Variants in PCDH15 observed in about 807,000 individuals in gnomAD.
PCDH15 encodes the protein protocadherin-15.
PCDH15 carries 129 observed loss-of-function variants against 178.5 expected under a neutral mutation model. That is an observed-to-expected ratio of 0.72 (90% CI 0.63 to 0.84). The LOEUF is 0.84. PCDH15 is among the 40% of genes least tolerant of loss of function. The pLI, the probability that PCDH15 is intolerant of heterozygous loss-of-function variation, is 0.00. For synonymous variants in PCDH15, 800 were observed against 732.0 expected, an observed-to-expected ratio of 1.09 and a Z score of -1.50; for missense variants, 2,230 against 2,099.9, an observed-to-expected ratio of 1.06 and a Z score of -1.21.
rs1361678153 is a variant in PCDH15, at chr10:54,800,907, G to A, written c.-29+18C>T. On this transcript the variant is annotated intron_variant, in intron 1 of 37. Coordinates refer to ENST00000644397, the MANE Select transcript of PCDH15 (RefSeq NM_001384140.1). ...TTAAATTTGAAAAAAATAAGAGAAG[G>A]GCGGGGGAAGAACTTACTTGCGGTT... is the stretch of plus-strand genomic sequence containing the variant. 1.3e-5 allele frequency: 2 copies of A among 152,020 alleles called. No homozygotes were observed. Among genetic ancestry groups the A allele is most frequent in the African/African-American group, 4.8e-5 (2 of 41,390 alleles). 9.4% of individuals were successfully genotyped at this position (152,020 alleles called of 1,614,324 possible).
At chr10:53,995,554 G>A in intron 21 of PCDH15, 95 bp downstream of exon 21, 1 of 1,608,334 alleles carries the variant, frequency 6.2e-7, no homozygotes, top group South Asian at 1.1e-5. Flanking sequence ...GAAATTTACA[G>A]AGACTACTTT....
intron 3 of PCDH15, among the ~76,000 whole-genome samples, chr10:54,833,327 T>C (rs1953258230): frequency 6.6e-6 from 1 of 152,206 alleles, no homozygotes; most frequent in South Asian, 2.1e-4. Flanking sequence ...ATTAGATGTT[T>C]CTGTGAAGGC....
intron 1 of PCDH15, among the ~76,000 whole-genome samples, chr10:54,715,065 AT>A (rs201516388): frequency 6.6e-6 from 1 of 151,424 alleles, no homozygotes; most frequent in South Asian, 2.1e-4. Flanking sequence ...GCTGATACTC[AT>A]TTTTTTTTCT....
At chr10:54,195,476 C>A (rs1286208622) in intron 11 of PCDH15, among the ~76,000 whole-genome samples, 1 of 152,138 alleles carries the variant, frequency 6.6e-6, no homozygotes. Flanking sequence ...TACTGAATAT[C>A]TGCAAGCTGA....
chr10:54,174,753 G>GGGAT (rs2047279369), intron 13 of PCDH15, among the ~76,000 whole-genome samples: 1 of 124,492 alleles, frequency 8.0e-6, no homozygotes, highest in Admixed American at 1.1e-4. Context: ...TCACCCAGCC[G>GGGAT]GGAGTGCAAT....
In PCDH15 at chr10:53,953,913, A is replaced by G. The variant is rs575280790; in HGVS notation, c.3122+5819T>C. On this transcript the variant is annotated intron_variant, in intron 23 of 37. Coordinates refer to ENST00000644397, the MANE Select transcript of PCDH15 (RefSeq NM_001384140.1). Reference sequence around the variant, plus strand: ...CATGCCATTCTTCTGCCTCAGCCTCATGAGTAGCTGGGACTATGGGCACCC... The same window carrying G: ...CATGCCATTCTTCTGCCTCAGCCTCGTGAGTAGCTGGGACTATGGGCACCC... Among the ~76,000 whole-genome samples, 41 of 152,088 alleles carry G rather than the reference A, an allele frequency of 2.7e-4. 2 individuals are homozygous for G. In the South Asian group the frequency reaches 8.3e-3, roughly 31 times the overall value.
rs1000340674 is a variant in PCDH15 at position 55,206,786 on chromosome 10, C to T, written c.-155-40135G>A. Among the ~76,000 whole-genome samples, 22 of 152,046 alleles carry T rather than the reference C, an allele frequency of 1.4e-4. 1 individual carries two copies. The highest frequency in any genetic ancestry group is 7.9e-4 in the Admixed American group (12 of 15,270). The stretch of plus-strand genomic sequence containing the variant: ...TTGAAAATCAGAGGTCTTTAAATAT[C>T]TGAGTACTTAAATATGGAATCAAAG... On this transcript the variant is annotated intron_variant, in intron 1 of 5. Transcript: ENST00000458638.
chr10:54,946,824 A>G (rs903992321), intron 2 of PCDH15, among the ~76,000 whole-genome samples: 9 of 151,854 alleles, frequency 5.9e-5, no homozygotes, highest in African/African-American at 2.2e-4. Context: ...CAGACATAAT[A>G]TCAAATTCCT....
intron 2 of PCDH15, chr10:54,607,007 T>C (rs2092770741): frequency 6.6e-6 from 1 of 152,080 alleles, no homozygotes; most frequent in Non-Finnish European, 1.5e-5. Context: ...CAAATACACA[T>C]AAAAATATAG....
At chr10:53,967,640 T>C (rs2089186035) in intron 21 of PCDH15, among the ~76,000 whole-genome samples, 1 of 152,196 alleles carries the variant, frequency 6.6e-6, no homozygotes, top group African/African-American at 2.4e-5. Context: ...CAGAAGTCTC[T>C]TTTATATATA....
chr10:53,819,424 T>C (rs1344151641), intron 33 of PCDH15, among the ~76,000 whole-genome samples: 1 of 152,034 alleles, frequency 6.6e-6, no homozygotes, highest in Admixed American at 6.6e-5. Flanking sequence ...GAAAGTTACT[T>C]GAAAGAGGTA....
intron 4 of PCDH15, among the ~76,000 whole-genome samples, chr10:54,377,591 T>C (rs958908476): frequency 2.6e-5 from 4 of 152,150 alleles, no homozygotes; most frequent in Admixed American, 6.5e-5. Flanking sequence ...CATGAAATAG[T>C]ATAAAGTATC....
At chr10:53,985,012 G>A (rs1364258792) in intron 21 of PCDH15, among the ~76,000 whole-genome samples, 1 of 152,134 alleles carries the variant, frequency 6.6e-6, no homozygotes, top group East Asian at 1.9e-4. Context: ...TGAAAAGCAG[G>A]CCTGGTTAGC....
Position 55,494,743 on chromosome 10 carries a change from T to C in PCDH15, c.-156+132882A>G, listed in dbSNP as rs182461619. Reference sequence around the variant, plus strand: ...ACTCCATTCCTCTCTCTTTTGATGCTAGTGAGATATATATGTAGCATAAAC... The same window carrying C: ...ACTCCATTCCTCTCTCTTTTGATGCCAGTGAGATATATATGTAGCATAAAC... On this transcript the variant is annotated intron_variant, in intron 2 of 5. Coordinates refer to the PCDH15 transcript ENST00000613346. 1.2e-4 allele frequency among the ~76,000 whole-genome samples: 18 copies of C among 151,930 alleles called. No homozygotes were observed. In the East Asian group the frequency reaches 3.5e-3, roughly 30 times the overall value.
intron 2 of PCDH15, among the ~76,000 whole-genome samples, chr10:55,107,351 A>G (rs1022371115): frequency 2.0e-4 from 31 of 152,334 alleles, no homozygotes; most frequent in Admixed American, 2.0e-3. Context: ...TGTTAACAAC[A>G]GGCTTATCAA....
At chr10:54,565,589 G>GA (rs2088906479) in intron 2 of PCDH15, among the ~76,000 whole-genome samples, 1 of 152,192 alleles carries the variant, frequency 6.6e-6, no homozygotes. Context: ...CAATGGGAGA[G>GA]AAAATTGTCT....
chr10:55,291,320 G>GA (rs1450872030), intron 1 of PCDH15, among the ~76,000 whole-genome samples: 1 of 152,120 alleles, frequency 6.6e-6, no homozygotes, highest in Non-Finnish European at 1.5e-5. Flanking sequence ...CTCTGCTTTA[G>GA]AAACACCTGA....
intron 18 of PCDH15, among the ~76,000 whole-genome samples, chr10:54,040,750 A>G (rs1590068980): frequency 6.6e-6 from 1 of 152,162 alleles, no homozygotes; most frequent in East Asian, 1.9e-4. Context: ...AAAAAACATT[A>G]CCACTAGAGT....
At chr10:54,343,402 T>C (rs1253579998) in intron 6 of PCDH15, among the ~76,000 whole-genome samples, 1 of 152,174 alleles carries the variant, frequency 6.6e-6, no homozygotes, top group Non-Finnish European at 1.5e-5. Context: ...GCTGTGATTG[T>C]AAGTTTCCTG....
Sources: allele counts gnomAD v4.1 joint callset (sites outside exome capture counted in the v4.1 genomes callset), GRCh38; gene constraint gnomAD v4.1.1; transcripts MANE v1.5; gene names NCBI Gene and HGNC (gene_info 2026-07-23, HGNC 2026-07-21).